Variants in KCNN2 observed in about 807,000 individuals in gnomAD.
KCNN2 encodes potassium calcium-activated channel subfamily N member 2.
A neutral mutation model predicts 55.5 loss-of-function variants in KCNN2; 24 were observed. That is an observed-to-expected ratio of 0.43 (90% CI 0.31 to 0.61). KCNN2 has a LOEUF of 0.61. KCNN2 is among the 20% of genes least tolerant of loss of function. The pLI is 0.08. For missense variants in KCNN2, 754 were observed against 853.6 expected (o/e 0.88, Z 1.45); for synonymous variants, 431 against 336.1 (o/e 1.28, Z -3.09).
chr5:114,165,340 A>G (rs988084656), intron 1 of KCNN2, among the ~76,000 whole-genome samples: 1 of 152,138 alleles, frequency 6.6e-6, no homozygotes, highest in Admixed American at 6.6e-5. Context: ...CTTTGTGATG[A>G]TGCATTTCCA....
chr5:114,430,775 C>A (rs538997980), intron 3 of KCNN2, among the ~76,000 whole-genome samples: 9 of 152,124 alleles, frequency 5.9e-5, no homozygotes, highest in African/African-American at 2.2e-4. Context: ...CCCCTCTATT[C>A]TTAGTTTCCT....
At chr5:114,325,687 C>T (rs1001723774) in intron 2 of KCNN2, among the ~76,000 whole-genome samples, 8 of 152,168 alleles carry the variant, frequency 5.3e-5, no homozygotes, top group African/African-American at 1.9e-4. Context: ...TGACATACAC[C>T]AACATAGTCA....
intron 3 of KCNN2, among the ~76,000 whole-genome samples, chr5:114,429,270 C>T (rs1431639751): frequency 6.6e-6 from 1 of 151,990 alleles, no homozygotes; most frequent in Non-Finnish European, 1.5e-5. Context: ...AATCAAAATA[C>T]AATGAGATAC....
chr5:114,200,192 T>A (rs989865013), intron 1 of KCNN2, among the ~76,000 whole-genome samples: 13 of 152,170 alleles, frequency 8.5e-5, no homozygotes, highest in African/African-American at 3.1e-4. Context: ...TTGTTCATTT[T>A]TTAAAATACT....
At chr5:114,373,370 T>G (rs1276135364) in intron 2 of KCNN2, among the ~76,000 whole-genome samples, 1 of 151,826 alleles carries the variant, frequency 6.6e-6, no homozygotes, top group Admixed American at 6.6e-5. Flanking sequence ...TGTCTCCAAA[T>G]ACTCCCAATT....
At chr5:114,443,162 G>T (rs576150000) in intron 3 of KCNN2, among the ~76,000 whole-genome samples, 1 of 151,934 alleles carries the variant, frequency 6.6e-6, no homozygotes, top group South Asian at 2.1e-4. Flanking sequence ...GTGGTGGCGC[G>T]TGCCTGTAAT....
At chr5:114,395,262 T>C (rs1169538484) in intron 2 of KCNN2, among the ~76,000 whole-genome samples, 1 of 152,128 alleles carries the variant, frequency 6.6e-6, no homozygotes, top group African/African-American at 2.4e-5. Context: ...AACTAATCTA[T>C]GATGATGAGC....
chr5:114,455,021 AT>A (rs796698523), intron 3 of KCNN2, among the ~76,000 whole-genome samples: 1 of 150,916 alleles, frequency 6.6e-6, no homozygotes, highest in African/African-American at 2.4e-5. Context: ...CTCTCTTGGG[AT>A]TTTTTTTAAT....
At chr5:114,197,940 C>A (rs1379146269) in intron 1 of KCNN2, among the ~76,000 whole-genome samples, 2 of 152,048 alleles carry the variant, frequency 1.3e-5, no homozygotes, top group African/African-American at 2.4e-5. Context: ...GCATTTAGGA[C>A]AATTTCCAGG....
chr5:114,249,300 A>G (rs1226573335), intron 2 of KCNN2, among the ~76,000 whole-genome samples: 1 of 108,528 alleles, frequency 9.2e-6, no homozygotes. Flanking sequence ...CTTTTTTTTA[A>G]TGAGAGGGAA....
At chr5:114,336,463 C>G (rs765795031) in intron 2 of KCNN2, among the ~76,000 whole-genome samples, 21 of 152,222 alleles carry the variant, frequency 1.4e-4, no homozygotes, top group Admixed American at 2.6e-4. Flanking sequence ...GTGACATGCT[C>G]TAGTTATTCA....
chr5:114,158,373 G>T (rs1224449539), intron 1 of KCNN2, among the ~76,000 whole-genome samples: 1 of 152,072 alleles, frequency 6.6e-6, no homozygotes, highest in Admixed American at 6.6e-5. Context: ...TCTCTGTTTT[G>T]GTACCAGTAC....
At chr5:114,233,326 C>A (rs1295122401) in intron 2 of KCNN2, among the ~76,000 whole-genome samples, 1 of 152,086 alleles carries the variant, frequency 6.6e-6, no homozygotes, top group South Asian at 2.1e-4. Flanking sequence ...GGCAACTTTG[C>A]GTATTTGATT....
At chr5:114,177,295 G>A (rs954991524) in intron 1 of KCNN2, among the ~76,000 whole-genome samples, 18 of 151,882 alleles carry the variant, frequency 1.2e-4, no homozygotes, top group Middle Eastern at 3.2e-3. Context: ...CCGCCACCGC[G>A]CCCGGCTAAT....
At chr5:114,144,723 G>T (rs1042610446) in intron 1 of KCNN2, among the ~76,000 whole-genome samples, 1 of 151,130 alleles carries the variant, frequency 6.6e-6, no homozygotes, top group Admixed American at 6.6e-5. Flanking sequence ...AACATATATG[G>T]TGGTTTAACA....
intron 1 of KCNN2, among the ~76,000 whole-genome samples, chr5:114,167,764 C>T (rs761741826): frequency 1.3e-5 from 2 of 152,060 alleles, no homozygotes; most frequent in Non-Finnish European, 2.9e-5. Context: ...CCTGAGAAAC[C>T]ATCACCACAA....
At chr5:114,413,544 C>G (rs1211163367) in intron 3 of KCNN2, among the ~76,000 whole-genome samples, 2 of 152,160 alleles carry the variant, frequency 1.3e-5, no homozygotes, top group African/African-American at 4.8e-5. Context: ...CACTAGGCCT[C>G]TCAAAGTGCT....
intron 3 of KCNN2, among the ~76,000 whole-genome samples, chr5:114,407,919 T>G (rs1758988858): frequency 6.6e-6 from 1 of 152,194 alleles, no homozygotes; most frequent in South Asian, 2.1e-4. Flanking sequence ...TTTTCAGACT[T>G]CTGCCAGGTT....
At chr5:114,260,394 G>T (rs542428422) in intron 2 of KCNN2, among the ~76,000 whole-genome samples, 3 of 152,162 alleles carry the variant, frequency 2.0e-5, no homozygotes, top group Non-Finnish European at 4.4e-5. Context: ...CATTTCTTTT[G>T]TCTGGGATAG....
Sources: gnomAD v4.1 joint callset for allele counts (sites outside exome capture counted in the v4.1 genomes callset) on GRCh38, gnomAD v4.1.1 for gene constraint, MANE v1.5 for transcripts, NCBI Gene and HGNC (gene_info 2026-07-23, HGNC 2026-07-21) for gene names.